CUL7: variants seen among roughly 807,000 people sequenced by gnomAD.
CUL7 encodes cullin 7.
A neutral mutation model predicts 177.7 loss-of-function variants in CUL7; 96 were observed. The ratio of observed to expected loss-of-function variants is 0.54; its 90% CI spans 0.46 to 0.64. The LOEUF is 0.64. CUL7 is among the 30% of genes least tolerant of loss of function. CUL7 has a pLI of 0.00. For missense variants in CUL7, 1,893 were observed against 2,187.9 expected (o/e 0.87, Z 2.69); for synonymous variants, 824 against 890.2 (o/e 0.93, Z 1.32).
rs771064199 is a variant in CUL7, at chr6:43,046,989, A to G, written c.2288T>C (p.Leu763Pro). 5 of 1,612,814 alleles carry G rather than the reference A, an allele frequency of 3.1e-6. No homozygotes were observed. Among genetic ancestry groups the G allele is most frequent in the Non-Finnish European group, 4.2e-6 (5 of 1,178,838 alleles). The change falls in exon 10 of 26, where the codon CTG becomes CCG. Residue 763 changes from leucine (L) to proline (P), a missense_variant. Transcript: ENST00000265348. ...DAISKALEKHLGKLELAQELR... is the reference protein window; with the variant it reads ...DAISKALEKHPGKLELAQELR... ...CTCCTGAGCCAGCTCCAGCTTTCCC[A>G]GGTGCTTTTCCAGGGCCTTGGAGAT... is the stretch of plus-strand genomic sequence containing the variant.
intron 9 of CUL7, chr6:43,047,905 G>A (rs1764050706): frequency 3.6e-6 from 2 of 562,138 alleles, no homozygotes; most frequent in African/African-American, 1.9e-5. Context: ...GGACCCTGGG[G>A]GAACAGAGAT....
Position 43,050,027 on chromosome 6 carries a change from TTGA to T in CUL7, c.1502_1504del (p.Ile501del). 1.2e-6 allele frequency: 2 copies of T among 1,614,218 alleles called. No homozygotes were observed. The highest frequency in any genetic ancestry group is 1.7e-6 in the Non-Finnish European group (2 of 1,180,038). Reference sequence around the variant, plus strand: ...CTGATGGTCAGGTCCATCCAGCTTCTTGATGAAGAAGAGGAGTTCCCACCACTC... The same window carrying T: ...CTGATGGTCAGGTCCATCCAGCTTCTTGAAGAAGAGGAGTTCCCACCACTC... On this transcript the variant is annotated inframe_deletion, in exon 6 of 26. Transcript: ENST00000265348. This position sits in a 1 kb window ranked among gnomAD's most constrained non-coding sequence, Gnocchi z 4.1.
At position 43,050,298 on chromosome 6, in the gene CUL7, T is replaced by G; in HGVS notation, c.1334A>C (p.Glu445Ala). The change falls in exon 5 of 26, where the codon GAG (glutamate) becomes GCG (alanine). Residue 445 changes from glutamate to alanine, a missense_variant. By Grantham distance (107) the Glu-to-Ala change is moderately radical. Around this residue, in one of 5 missense-constraint regions of CUL7, gnomAD observed 653 missense variants for 725.2 expected, o/e 0.90. Transcript: ENST00000265348. The surrounding 1 kb of genome is among the most constrained non-coding windows in gnomAD (Gnocchi z 4.1). ...TCTACTGGCCACTGCCCCTTGGTAC[T>G]CATCAGCCTCAACCATGTCCTCAAT... ...EDIEDMVEAD[E>A]YQGAVASRVL... is the part of the protein sequence containing the mutation. 6.2e-7 allele frequency: 1 copy of G among 1,614,168 alleles called. No homozygotes were observed. Among genetic ancestry groups the G allele is most frequent in the East Asian group, 2.2e-5 (1 of 44,878 alleles).
At chr6:43,049,768 T>C in intron 6 of CUL7, 106 bp from the exon 7 acceptor site, 20 of 1,501,526 alleles carry the variant, frequency 1.3e-5, no homozygotes, top group Non-Finnish European at 1.8e-5. Context: ...CCCTCCATCC[T>C]GATCCTCTCA....
chr6:43,053,814 C>T lies in CUL7; in HGVS notation c.-201G>A, dbSNP rs1391184890. 3.3e-6 allele frequency: 5 copies of T among 1,533,008 alleles called. No individual in the cohort carries two copies. Among genetic ancestry groups the T allele is most frequent in the Non-Finnish European group, 4.4e-6 (5 of 1,146,334 alleles). The allele number at this position is 1,533,008 out of a possible 1,614,324, so 95.0% of individuals were successfully genotyped here. A position where few individuals can be genotyped will look rare whatever the true frequency, so the allele number is the denominator to read the frequency against. ...CGGCAGCCACTGGGGCAGGGTGGGG[C>T]CCGGTCCCTGCCAGCGGCTCCGCCA... On this transcript the variant is annotated 5_prime_UTR_variant, in exon 1 of 26. Transcript: ENST00000265348. This position sits in a 1 kb window ranked among gnomAD's most constrained non-coding sequence, Gnocchi z 4.1.
chr6:43,043,487 A>G lies in CUL7; in HGVS notation c.3316T>C (p.Cys1106Arg). ...LTHLLVHVEP[C>R]EAPPPVVATP... ...GCCACCACAGGAGGGGGTGCCTCACAGGGCTCGACATGCACCAGCAGGTGA... is the reference window on the plus strand; with the variant it reads ...GCCACCACAGGAGGGGGTGCCTCACGGGGCTCGACATGCACCAGCAGGTGA... Residue 1106 changes from cysteine to arginine, a missense_variant, in exon 17 of 26, where the codon TGT becomes CGT. By Grantham distance (180) the Cys-to-Arg change is radical. Coordinates refer to ENST00000265348, the MANE Select transcript of CUL7 (RefSeq NM_014780.5). This position sits in a 1 kb window ranked among gnomAD's most constrained non-coding sequence, Gnocchi z 4.2. The G allele has an allele frequency of 6.2e-7, 1 of 1,614,056 alleles. No individual in the cohort carries two copies.
At chr6:43,047,147 G>T in intron 9 of CUL7, 40 bp from the exon 10 acceptor site, 3 of 1,231,428 alleles carry the variant, frequency 2.4e-6, no homozygotes, top group South Asian at 1.2e-5. Flanking sequence ...TGAAGACAGG[G>T]CGAGGGCCAC....
intron 25 of CUL7, 50 bp downstream of exon 25, chr6:43,038,217 C>T (rs989008730): frequency 6.3e-7 from 1 of 1,599,190 alleles, no homozygotes; most frequent in Non-Finnish European, 8.5e-7. Context: ...GTAGACTGCT[C>T]CCCCAACCCC....
chr6:43,048,179 G>A lies in CUL7; in HGVS notation c.2138C>T (p.Ala713Val). Reference protein sequence around the residue: ...PWHEAVDACMACLRSPNTDRE... With the variant: ...PWHEAVDACMVCLRSPNTDRE... ...ATCAGTGTTTGGGGACCGCAGGCAG[G>A]CCATGCAGGCATCCACGGCCTCGTG... The change falls in exon 9 of 26, where the codon GCC becomes GTC. Residue 713 changes from alanine (A) to valine (V), a missense_variant. Physicochemically the swap from Ala to Val is moderately conservative, Grantham distance 64. This residue lies in a region of CUL7 where 973 missense variants were observed against 1,140.9 expected (regional missense o/e 0.85). Coordinates refer to ENST00000265348, the MANE Select transcript of CUL7 (RefSeq NM_014780.5). 2 of 1,613,170 alleles carry A rather than the reference G, an allele frequency of 1.2e-6. No homozygotes were observed. The highest frequency in any genetic ancestry group is 8.5e-7 in the Non-Finnish European group (1 of 1,179,116).
chr6:43,052,326 C>T lies in CUL7; in HGVS notation c.463G>A (p.Gly155Arg), dbSNP rs1764484917. The change falls in exon 2 of 26, where the codon GGA (glycine) becomes AGA (arginine). Residue 155 changes from glycine (G) to arginine (R), a missense_variant. Physicochemically the swap from Gly to Arg is moderately radical, Grantham distance 125. Coordinates refer to ENST00000265348, the MANE Select transcript of CUL7 (RefSeq NM_014780.5). This position sits in a 1 kb window ranked among gnomAD's most constrained non-coding sequence, Gnocchi z 4.5. ...AGGACCCTTGGGTCCTTGAATACTC[C>T]AGTGAGGGGCTCAATGCTGGCATAG... ...SAYASIEPLTGVFKDPRVLDL... is the reference protein window; with the variant it reads ...SAYASIEPLTRVFKDPRVLDL... 6.2e-7 allele frequency: 1 copy of T among 1,614,214 alleles called. No individual in the cohort carries two copies. Among genetic ancestry groups the T allele is most frequent in the Non-Finnish European group, 8.5e-7 (1 of 1,180,028 alleles).
rs1379683365 is a variant in CUL7 at position 43,053,723 on chromosome 6, A to AG, written c.-111dup. ...ACTTGGGCCCCACCTGGGCCCCGCG[A>AG]GGGGGTCGAGACGGAGAGACGGGAG... On this transcript the variant is annotated 5_prime_UTR_variant, in exon 1 of 26. Coordinates refer to ENST00000265348, the MANE Select transcript of CUL7 (RefSeq NM_014780.5). This position sits in a 1 kb window ranked among gnomAD's most constrained non-coding sequence, Gnocchi z 4.1. The AG allele has an allele frequency of 1.4e-6, 2 of 1,452,186 alleles. No individual in the cohort carries two copies. The highest frequency in any genetic ancestry group is 1.5e-5 in the African/African-American group (1 of 68,040). The allele number at this position is 1,452,186 out of a possible 1,614,324, so 90.0% of individuals were successfully genotyped here.
rs148384018 is a variant in CUL7 at position 43,051,007 on chromosome 6, G to A, written c.1194C>T (p.Gly398=). The A allele has an allele frequency of 8.7e-5, 140 of 1,613,948 alleles. No homozygotes were observed. The highest frequency in any genetic ancestry group is 1.1e-4 in the Non-Finnish European group (128 of 1,180,032). Residue 398 remains glycine (G), a synonymous_variant, in exon 4 of 26, where the codon GGC becomes GGT. Coordinates refer to ENST00000265348, the MANE Select transcript of CUL7 (RefSeq NM_014780.5). The surrounding 1 kb of genome is among the most constrained non-coding windows in gnomAD (Gnocchi z 5.0). ...CACCGTTGTTGCTCTGCCGAAACTCGCCCTCATCCCCGGCACTGATCTCCT... is the reference window on the plus strand; with the variant it reads ...CACCGTTGTTGCTCTGCCGAAACTCACCCTCATCCCCGGCACTGATCTCCT... The part of the protein sequence containing the change: ...DYEEISAGDE[G]EFRQSNNGVP...
Position 43,046,741 on chromosome 6 carries a change from A to G in CUL7, c.2397+139T>C, listed in dbSNP as rs760642662. On this transcript the variant is annotated intron_variant, in intron 10 of 25. Transcript: ENST00000265348. ...AGCAGAGCAGGCCCAGATGGGGCAGAGGGGAAGGGGAACAAATGCCCCAGG... is the reference window on the plus strand; with the variant it reads ...AGCAGAGCAGGCCCAGATGGGGCAGGGGGGAAGGGGAACAAATGCCCCAGG... 20 of 1,363,042 alleles carry G rather than the reference A, an allele frequency of 1.5e-5. No homozygotes were observed. In the South Asian group the frequency reaches 2.3e-4, roughly 16 times the overall value. The allele number at this position is 1,363,042 out of a possible 1,614,324, so 84.4% of individuals were successfully genotyped here.
Position 43,050,412 on chromosome 6 carries a change from A to C in CUL7, c.1234-14T>G, listed in dbSNP as rs771833792. ...CTCCCAAAATACCTGGAGCATAGGGAAAGAAAGAGGGAAGGGGAAGGGAGG... is the reference window on the plus strand; with the variant it reads ...CTCCCAAAATACCTGGAGCATAGGGCAAGAAAGAGGGAAGGGGAAGGGAGG... On this transcript the variant is annotated splice_polypyrimidine_tract_variant and intron_variant, in intron 4 of 25. Transcript: ENST00000265348. The surrounding 1 kb of genome is among the most constrained non-coding windows in gnomAD (Gnocchi z 4.1). The C allele has an allele frequency of 6.2e-7, 1 of 1,614,022 alleles. No individual in the cohort carries two copies. Among genetic ancestry groups the C allele is most frequent in the African/African-American group, 1.3e-5 (1 of 75,042 alleles).
At chr6:43,038,201 T>C in intron 25 of CUL7, 66 bp downstream of exon 25, 6 of 1,575,464 alleles carry the variant, frequency 3.8e-6, no homozygotes, top group Admixed American at 1.8e-5. Context: ...GCACCCACCT[T>C]GTCCTGTAGA....
At chr6:43,044,631 C>T (rs1456305814) in intron 16 of CUL7, 121 bp downstream of exon 16, 18 of 1,392,530 alleles carry the variant, frequency 1.3e-5, no homozygotes, top group Admixed American at 2.4e-5. Context: ...ACTGGGATTA[C>T]AAATGCAGGT....
intron 19 of CUL7, among the ~76,000 whole-genome samples, chr6:43,041,690 A>AGGGAAGGGAAG (rs1213578983): frequency 2.7e-5 from 4 of 146,620 alleles, no homozygotes; most frequent in Non-Finnish European, 4.5e-5. Flanking sequence ...AGGAAGGGGA[A>AGGGAAGGGAAG]GGGAAGGGAA....
intron 9 of CUL7, among the ~76,000 whole-genome samples, chr6:43,047,747 A>C (rs1764035810): frequency 6.6e-6 from 1 of 152,144 alleles, no homozygotes; most frequent in South Asian, 2.1e-4. Flanking sequence ...TGAAGCTCTT[A>C]ATGTTTTATG....
In CUL7 at chr6:43,040,099, C is replaced by T. The variant is rs891813734; in HGVS notation, c.4294+57G>A. 25 of 1,608,462 alleles carry T rather than the reference C, an allele frequency of 1.6e-5. No homozygotes were observed. In the Admixed American group the frequency reaches 4.2e-4, roughly 27 times the overall value. ...TCAGGGTCTGCCCCCAACCCCAGGT[C>T]CTTTCCTAGCAGCCCACCCTCTCCC... On this transcript the variant is annotated intron_variant, in intron 22 of 25. Coordinates refer to ENST00000265348, the MANE Select transcript of CUL7 (RefSeq NM_014780.5). This position sits in a 1 kb window ranked among gnomAD's most constrained non-coding sequence, Gnocchi z 4.2.
Sources: gnomAD v4.1 joint callset for allele counts (sites outside exome capture counted in the v4.1 genomes callset) on GRCh38, gnomAD v4.1.1 for gene constraint, gnomAD v4.1.1 regional missense constraint, Gnocchi (gnomAD v3.1) non-coding constraint, MANE v1.5 for transcripts, NCBI Gene and HGNC (gene_info 2026-07-23, HGNC 2026-07-21) for gene names.